Variants in DIAPH3 observed in about 807,000 individuals in gnomAD.
The protein encoded by DIAPH3 is diaphanous related formin 3, also known as protein diaphanous homolog 3.
In DIAPH3, 117 loss-of-function variants were observed where a neutral mutation model predicts 144.3. The observed-to-expected ratio is 0.81, with a 90% confidence interval of 0.70 to 0.95. The LOEUF is 0.95. Among genes scored for constraint, DIAPH3 ranks in the 40% least tolerant of loss-of-function variants. DIAPH3 has a pLI of 0.00. For synonymous variants in DIAPH3, 519 were observed against 488.9 expected (o/e 1.06, Z -0.81); for missense variants, 1,421 against 1,412.7 (o/e 1.01, Z -0.09).
chr13:59,752,351 A>G (rs2037050402), intron 27 of DIAPH3, among the ~76,000 whole-genome samples: 2 of 151,984 alleles, frequency 1.3e-5, no homozygotes, highest in Admixed American at 1.3e-4. Flanking sequence ...TACCACAATA[A>G]GCAATAATGT....
intron 27 of DIAPH3, among the ~76,000 whole-genome samples, chr13:59,697,459 C>CAAAA (rs58372882): frequency 0.023 from 729 of 31,198 alleles, 114 homozygotes; most frequent in Non-Finnish European, 0.03. Flanking sequence ...GACACTGTCT[C>CAAAA]AAAAAAAAAA....
chr13:59,839,408 T>G lies in DIAPH3; in HGVS notation c.2778A>C (p.Gly926=). Residue 926 remains glycine (G), a synonymous_variant, in exon 23 of 28, where the codon GGA becomes GGC. Transcript: ENST00000400324. ...ETLEKNLRQM[G]RQLQQLEKEL... is the part of the protein sequence containing the mutation. ...CCTTCTCAAGCTGTTGAAGCTGCCT[T>G]CCCATCTGCCTCAAATTCTTTTCCA... is the stretch of plus-strand genomic sequence containing the variant. 1 of 1,613,716 alleles carries G rather than the reference T, an allele frequency of 6.2e-7. No homozygotes were observed. The highest frequency in any genetic ancestry group is 8.5e-7 in the Non-Finnish European group (1 of 1,179,806).
At chr13:59,837,321 G>A (rs1040404309) in intron 23 of DIAPH3, among the ~76,000 whole-genome samples, 4 of 151,948 alleles carry the variant, frequency 2.6e-5, no homozygotes, top group Admixed American at 2.6e-4. Context: ...ATTTCCTGCT[G>A]GTTGCTTTTT....
intron 22 of DIAPH3, among the ~76,000 whole-genome samples, chr13:59,856,560 A>G (rs1038232644): frequency 6.6e-6 from 1 of 152,174 alleles, no homozygotes; most frequent in Non-Finnish European, 1.5e-5. Flanking sequence ...GTACATGTAC[A>G]TTCCTGAATG....
intron 7 of DIAPH3, chr13:60,012,954 G>C (rs2271514): frequency 0.059 from 56,743 of 960,746 alleles, 1,767 homozygotes; most frequent in Admixed American, 0.11. Context: ...TATAAATACA[G>C]AATTGCTACT....
chr13:59,774,388 G>C (rs1353539988), intron 26 of DIAPH3, 140 bp from the exon 27 acceptor site: 5 of 727,176 alleles, frequency 6.9e-6, no homozygotes, highest in Non-Finnish European at 1.2e-5. Context: ...AATACTTGAA[G>C]CAGTAATGTT....
intron 17 of DIAPH3, among the ~76,000 whole-genome samples, chr13:59,941,901 G>C (rs932009953): frequency 6.6e-6 from 1 of 152,002 alleles, no homozygotes; most frequent in East Asian, 1.9e-4. Flanking sequence ...AGGCCCAAAG[G>C]CATTATAACA....
chr13:60,044,209 C>A (rs542925954), intron 4 of DIAPH3: 1 of 152,228 alleles, frequency 6.6e-6, no homozygotes, highest in African/African-American at 2.4e-5. Context: ...CACCATCCAA[C>A]GGCAGGAAAT....
intron 1 of DIAPH3, among the ~76,000 whole-genome samples, chr13:60,158,375 T>G (rs1594803251): frequency 6.6e-6 from 1 of 152,364 alleles, no homozygotes; most frequent in Admixed American, 6.5e-5. Context: ...CTCTTTGTTC[T>G]GGGGCCTGCA....
chr13:60,018,601 G>T (rs1312226530), intron 5 of DIAPH3, among the ~76,000 whole-genome samples: 1 of 152,076 alleles, frequency 6.6e-6, no homozygotes, highest in Non-Finnish European at 1.5e-5. Context: ...GCCTACTCAT[G>T]TATTTTATAT....
chr13:59,816,432 A>G (rs1235635529), intron 24 of DIAPH3, among the ~76,000 whole-genome samples: 2 of 151,452 alleles, frequency 1.3e-5, no homozygotes, highest in African/African-American at 2.4e-5. Flanking sequence ...CTATCCTACA[A>G]ATTTTTACAG....
chr13:59,849,907 G>C (rs1168428126), intron 22 of DIAPH3, among the ~76,000 whole-genome samples: 1 of 146,090 alleles, frequency 6.8e-6, no homozygotes, highest in Non-Finnish European at 1.5e-5. Context: ...ATTACCTTGG[G>C]CAGTATGGCC....
chr13:60,019,899 TCTC>T (rs1368347678), intron 5 of DIAPH3, among the ~76,000 whole-genome samples: 1 of 152,194 alleles, frequency 6.6e-6, no homozygotes, highest in Non-Finnish European at 1.5e-5. Context: ...CAAAGACTGA[TCTC>T]CTACTCTTCC....
intron 27 of DIAPH3, among the ~76,000 whole-genome samples, chr13:59,734,903 A>T (rs2036068275): frequency 6.6e-6 from 1 of 152,244 alleles, no homozygotes; most frequent in Non-Finnish European, 1.5e-5. Context: ...CTAAACAAAA[A>T]TTTAACACCA....
chr13:60,101,622 A>AT (rs2137978757), intron 3 of DIAPH3, among the ~76,000 whole-genome samples: 1 of 152,072 alleles, frequency 6.6e-6, no homozygotes, highest in East Asian at 1.9e-4. Flanking sequence ...AAGCCAAAAG[A>AT]TTGGGCACCC....
chr13:59,865,985 A>G lies in DIAPH3; in HGVS notation c.2608-4449T>C, dbSNP rs529428451. Among the ~76,000 whole-genome samples the G allele has an allele frequency of 2.6e-5, 4 of 152,110 alleles. No individual in the cohort carries two copies. The East Asian group carries it at 7.7e-4, about 29-fold the overall frequency. On this transcript the variant is annotated intron_variant, in intron 21 of 27. Transcript: ENST00000400324. The stretch of plus-strand genomic sequence containing the variant: ...TACTCCGCATCATTATGTTCCTATA[A>G]TCTAGGTATGTATCAAAGCAGCATT...
intron 21 of DIAPH3, 115 bp downstream of exon 21, chr13:59,879,114 C>G: frequency 6.9e-7 from 1 of 1,451,876 alleles, no homozygotes; most frequent in Non-Finnish European, 9.3e-7. Context: ...TGGTTCAGTT[C>G]AAGTTCTTGA....
chr13:60,138,099 A>G (rs1352271579), intron 1 of DIAPH3, among the ~76,000 whole-genome samples: 3 of 152,168 alleles, frequency 2.0e-5, no homozygotes, highest in East Asian at 1.9e-4. Context: ...AGACTCAGAC[A>G]CAATTTTCAT....
intron 20 of DIAPH3, among the ~76,000 whole-genome samples, chr13:59,908,435 T>C (rs1437764082): frequency 6.7e-6 from 1 of 149,930 alleles, no homozygotes; most frequent in Non-Finnish European, 1.5e-5. Flanking sequence ...TGATATATGC[T>C]AATTGACCTT....
Sources: gnomAD v4.1 joint callset for allele counts (sites outside exome capture counted in the v4.1 genomes callset) on GRCh38, gnomAD v4.1.1 for gene constraint, MANE v1.5 for transcripts, NCBI Gene and HGNC (gene_info 2026-07-23, HGNC 2026-07-21) for gene names.